The following ST6GALNAC3 variants were observed in gnomAD, a reference collection of about 807,000 sequenced individuals.
ST6GALNAC3 encodes alpha-N-acetylgalactosaminide alpha-2,6-sialyltransferase 3.
A neutral mutation model predicts 32.7 loss-of-function variants in ST6GALNAC3; 25 were observed. The ratio of observed to expected loss-of-function variants is 0.76; its 90% CI spans 0.56 to 1.07. The LOEUF (loss-of-function observed/expected upper bound fraction) is 1.07, where lower values mean the gene tolerates loss of function less well. ST6GALNAC3 is among the 50% of genes least tolerant of loss of function. The pLI, the probability that ST6GALNAC3 is intolerant of heterozygous loss-of-function variation, is 0.00. For synonymous variants in ST6GALNAC3, 129 were observed against 133.1 expected, an observed-to-expected ratio of 0.97 and a Z score of 0.21; for missense variants, 355 against 382.4, an observed-to-expected ratio of 0.93 and a Z score of 0.60.
At chr1:76,293,349 G>A (rs1439727536) in intron 1 of ST6GALNAC3, among the ~76,000 whole-genome samples, 3 of 152,052 alleles carry the variant, frequency 2.0e-5, no homozygotes, top group African/African-American at 7.3e-5. Context: ...GTGTCATCAG[G>A]GTCCTCATCT....
chr1:76,496,309 A>C, intron 3 of ST6GALNAC3, among the ~76,000 whole-genome samples: 1 of 152,208 alleles, frequency 6.6e-6, no homozygotes, highest in Admixed American at 6.6e-5. Flanking sequence ...CAGCTGGAGA[A>C]GCTAAGGCAG....
chr1:76,470,489 A>G (rs1658945877), intron 3 of ST6GALNAC3, among the ~76,000 whole-genome samples: 1 of 152,142 alleles, frequency 6.6e-6, no homozygotes, highest in South Asian at 2.1e-4. Flanking sequence ...CTCTTATTTT[A>G]TCAGGTGGGT....
chr1:76,349,679 T>C (rs1374653866), intron 2 of ST6GALNAC3, among the ~76,000 whole-genome samples: 1 of 152,210 alleles, frequency 6.6e-6, no homozygotes, highest in Non-Finnish European at 1.5e-5. Context: ...CTTTGATTTA[T>C]CAACTTCAGA....
chr1:76,253,846 A>G (rs1440191125), intron 1 of ST6GALNAC3, among the ~76,000 whole-genome samples: 5 of 152,062 alleles, frequency 3.3e-5, no homozygotes, highest in African/African-American at 9.7e-5. Flanking sequence ...GGCACAATCA[A>G]TTTTCTTGCA....
chr1:76,336,580 C>T (rs1214837790), intron 2 of ST6GALNAC3, among the ~76,000 whole-genome samples: 1 of 152,132 alleles, frequency 6.6e-6, no homozygotes, highest in Non-Finnish European at 1.5e-5. Flanking sequence ...CTATTAACCT[C>T]ATTATATAGG....
chr1:76,610,016 T>A lies in ST6GALNAC3; in HGVS notation c.624-17436T>A, dbSNP rs138355884. Among the ~76,000 whole-genome samples the A allele has an allele frequency of 2.6e-5, 4 of 152,306 alleles. No homozygotes were observed. In the East Asian group the frequency reaches 7.7e-4, roughly 29 times the overall value. ...AATTATAAGTGGGATGTACTGTCAT[T>A]TTTTTGTCTCTGCCTTCTTTTGGCT... On this transcript the variant is annotated intron_variant, in intron 3 of 4. Coordinates refer to ENST00000328299, the MANE Select transcript of ST6GALNAC3 (RefSeq NM_152996.4).
At chr1:76,611,050 CT>C (rs1472726166) in intron 3 of ST6GALNAC3, among the ~76,000 whole-genome samples, 2 of 150,164 alleles carry the variant, frequency 1.3e-5, no homozygotes, top group African/African-American at 5.0e-5. Context: ...GAGAATTAAT[CT>C]TTTTTTCCAG....
At chr1:76,166,210 G>A (rs763258859) in intron 1 of ST6GALNAC3, among the ~76,000 whole-genome samples, 1 of 152,104 alleles carries the variant, frequency 6.6e-6, no homozygotes, top group Non-Finnish European at 1.5e-5. Flanking sequence ...TCCAGTTTAA[G>A]TATTCTGCTT....
chr1:76,554,589 A>ATG (rs1408074129), intron 3 of ST6GALNAC3, among the ~76,000 whole-genome samples: 4 of 152,074 alleles, frequency 2.6e-5, no homozygotes, highest in Non-Finnish European at 4.4e-5. Context: ...ATGTGACTTG[A>ATG]TGTGTGTGTG....
intron 3 of ST6GALNAC3, among the ~76,000 whole-genome samples, chr1:76,445,316 A>G (rs544173448): frequency 3.3e-5 from 5 of 152,282 alleles, no homozygotes; most frequent in African/African-American, 1.2e-4. Flanking sequence ...TAGATATGCA[A>G]ATCCTCAGGT....
At chr1:76,244,466 C>T (rs995738050) in intron 1 of ST6GALNAC3, among the ~76,000 whole-genome samples, 8 of 152,110 alleles carry the variant, frequency 5.3e-5, no homozygotes, top group Non-Finnish European at 1.2e-4. Context: ...TTTCCCTGGC[C>T]AGAACTTCCA....
At chr1:76,264,844 C>A (rs1280637356) in intron 1 of ST6GALNAC3, among the ~76,000 whole-genome samples, 3 of 151,266 alleles carry the variant, frequency 2.0e-5, no homozygotes, top group Non-Finnish European at 4.4e-5. Context: ...CTAACAACAC[C>A]AAACTGATTA....
At chr1:76,120,298 G>A (rs1648787315) in intron 1 of ST6GALNAC3, among the ~76,000 whole-genome samples, 1 of 152,192 alleles carries the variant, frequency 6.6e-6, no homozygotes, top group Admixed American at 6.5e-5. Flanking sequence ...GTGATCTCGT[G>A]TTTCCTTGAG....
chr1:76,432,599 C>T lies in ST6GALNAC3; in HGVS notation c.623+20182C>T, dbSNP rs146960960. Among the ~76,000 whole-genome samples, 1,180 of 151,752 alleles carry T rather than the reference C, an allele frequency of 7.8e-3. 17 individuals are homozygous for T. The highest frequency in any genetic ancestry group is 0.027 in the African/African-American group (1,105 of 41,390). On this transcript the variant is annotated intron_variant, in intron 3 of 4. Coordinates refer to ENST00000328299, the MANE Select transcript of ST6GALNAC3 (RefSeq NM_152996.4). ...CCATCCAAATAGCTGGAAATACAGGCGTGTGCCACCATGCCTGGCTAATTT... is the reference window on the plus strand; with the variant it reads ...CCATCCAAATAGCTGGAAATACAGGTGTGTGCCACCATGCCTGGCTAATTT...
At chr1:76,311,273 T>G (rs1646757596) in intron 1 of ST6GALNAC3, among the ~76,000 whole-genome samples, 1 of 80,278 alleles carries the variant, frequency 1.2e-5, no homozygotes, top group Non-Finnish European at 2.8e-5. Flanking sequence ...CCACCCCGCC[T>G]TTTTTTTCTT....
intron 1 of ST6GALNAC3, among the ~76,000 whole-genome samples, chr1:76,091,509 G>A (rs1647045653): frequency 6.6e-6 from 1 of 152,194 alleles, no homozygotes; most frequent in Non-Finnish European, 1.5e-5. Context: ...AGCTATTGAT[G>A]GAGTCATCCT....
chr1:76,319,483 G>A, intron 2 of ST6GALNAC3, among the ~76,000 whole-genome samples: 1 of 152,132 alleles, frequency 6.6e-6, no homozygotes. Context: ...TATGGTTATA[G>A]TAACAATTAA....
chr1:76,079,182 G>A (rs1338635305), intron 1 of ST6GALNAC3, among the ~76,000 whole-genome samples: 1 of 152,186 alleles, frequency 6.6e-6, no homozygotes, highest in African/African-American at 2.4e-5. Context: ...ACAGATTACA[G>A]GGAAGATCTC....
intron 2 of ST6GALNAC3, among the ~76,000 whole-genome samples, chr1:76,348,908 G>T (rs1407022544): frequency 6.6e-6 from 1 of 152,134 alleles, no homozygotes; most frequent in African/African-American, 2.4e-5. Flanking sequence ...GTAGCAGAGT[G>T]CCTGGCTCAT....
Sources: allele counts gnomAD v4.1 joint callset (sites outside exome capture counted in the v4.1 genomes callset), GRCh38; gene constraint gnomAD v4.1.1; transcripts MANE v1.5; gene names NCBI Gene and HGNC (gene_info 2026-07-23, HGNC 2026-07-21).